Variants in RBFOX1 observed in about 807,000 individuals in gnomAD.
RBFOX1 encodes the protein RNA binding protein fox-1 homolog 1.
In RBFOX1, 8 loss-of-function variants were observed where a neutral mutation model predicts 57.7. The observed-to-expected ratio is 0.14, with a 90% confidence interval of 0.08 to 0.25. RBFOX1 has a LOEUF of 0.25. Among genes scored for constraint, RBFOX1 ranks in the 10% least tolerant of loss-of-function variants. The pLI, the probability that RBFOX1 is intolerant of heterozygous loss-of-function variation, is 1.00. For missense variants in RBFOX1, 611 were observed against 548.5 expected (o/e 1.11, Z -1.14); for synonymous variants, 326 against 222.4 (o/e 1.47, Z -4.15).
chr16:7,166,148 G>A (rs1010029000), intron 4 of RBFOX1, among the ~76,000 whole-genome samples: 3 of 151,980 alleles, frequency 2.0e-5, no homozygotes, highest in Admixed American at 2.0e-4. Context: ...CGAGTAGATG[G>A]GATTACAGGT....
chr16:5,644,515 A>G (rs1343188811), intron 3 of RBFOX1, among the ~76,000 whole-genome samples: 1 of 152,212 alleles, frequency 6.6e-6, no homozygotes, highest in Non-Finnish European at 1.5e-5. Flanking sequence ...AGAACCACCC[A>G]TGTGGCTCCC....
chr16:6,095,906 C>A (rs1597262509), intron 1 of RBFOX1, among the ~76,000 whole-genome samples: 1 of 152,188 alleles, frequency 6.6e-6, no homozygotes, highest in Non-Finnish European at 1.5e-5. Flanking sequence ...TTCCCACAGG[C>A]TCCCAGTGGA....
Position 6,981,599 on chromosome 16 carries a change from G to A in RBFOX1, c.-15-70458G>A, listed in dbSNP as rs535818710. Among the ~76,000 whole-genome samples, 8 of 152,314 alleles carry A rather than the reference G, an allele frequency of 5.3e-5. No individual in the cohort carries two copies. The South Asian group carries it at 1.7e-3, about 32-fold the overall frequency. ...TCCACGTGGCTGGGGAGGCCTCACAGTCATGATGGGAGGCAAAGGAGGAGA... is the reference window on the plus strand; with the variant it reads ...TCCACGTGGCTGGGGAGGCCTCACAATCATGATGGGAGGCAAAGGAGGAGA... On this transcript the variant is annotated intron_variant, in intron 3 of 15. Transcript: ENST00000550418.
intron 2 of RBFOX1, among the ~76,000 whole-genome samples, chr16:6,479,595 A>G (rs1319685903): frequency 6.6e-6 from 1 of 152,050 alleles, no homozygotes; most frequent in Non-Finnish European, 1.5e-5. Context: ...CTCAAAAAAG[A>G]AAAAGAAAAG....
chr16:7,249,764 A>C (rs1249046219), intron 4 of RBFOX1, among the ~76,000 whole-genome samples: 1 of 152,166 alleles, frequency 6.6e-6, no homozygotes, highest in Admixed American at 6.5e-5. Flanking sequence ...ACCGACAGTG[A>C]TGAGCAACAT....
intron 4 of RBFOX1, among the ~76,000 whole-genome samples, chr16:5,912,425 G>C (rs2152212163): frequency 6.6e-6 from 1 of 152,276 alleles, no homozygotes; most frequent in South Asian, 2.1e-4. Context: ...TCTACCCTGA[G>C]AACAGTGTGG....
Position 7,256,930 on chromosome 16 carries a change from A to G in RBFOX1, c.27+204832A>G, listed in dbSNP as rs772256141. 2.6e-5 allele frequency among the ~76,000 whole-genome samples: 4 copies of G among 152,082 alleles called. No individual in the cohort carries two copies. In the South Asian group the frequency reaches 8.3e-4, roughly 32 times the overall value. ...TACCCAAGTCTCTCTCCCTGACCAC[A>G]TGGGAAACAGCCTTTCTGTTTCTCC... On this transcript the variant is annotated intron_variant, in intron 4 of 15. Transcript: ENST00000550418.
chr16:6,552,759 T>A (rs2097016133), intron 2 of RBFOX1, among the ~76,000 whole-genome samples: 1 of 151,930 alleles, frequency 6.6e-6, no homozygotes. Context: ...ATATAGAAAA[T>A]GTACACACAT....
At chr16:6,163,767 T>A (rs2096896152) in intron 1 of RBFOX1, among the ~76,000 whole-genome samples, 1 of 152,232 alleles carries the variant, frequency 6.6e-6, no homozygotes, top group Non-Finnish European at 1.5e-5. Context: ...AAATCTTCAG[T>A]ATTTATAAGG....
At chr16:5,747,558 G>C (rs990527560) in intron 3 of RBFOX1, among the ~76,000 whole-genome samples, 1 of 152,056 alleles carries the variant, frequency 6.6e-6, no homozygotes, top group Non-Finnish European at 1.5e-5. Flanking sequence ...CAATTTGAGA[G>C]CCTGTGATTC....
At chr16:5,490,503 G>A (rs2042791605) in intron 2 of RBFOX1, among the ~76,000 whole-genome samples, 1 of 152,216 alleles carries the variant, frequency 6.6e-6, no homozygotes, top group African/African-American at 2.4e-5. Context: ...GCTATCCGGA[G>A]CCCTTTCAGG....
At chr16:7,183,176 C>G (rs908302775) in intron 4 of RBFOX1, among the ~76,000 whole-genome samples, 2 of 152,132 alleles carry the variant, frequency 1.3e-5, no homozygotes, top group Non-Finnish European at 2.9e-5. Flanking sequence ...TGGGTTGAGT[C>G]AGATAGAACA....
chr16:5,855,715 G>A (rs2057007629), intron 3 of RBFOX1, among the ~76,000 whole-genome samples: 1 of 151,984 alleles, frequency 6.6e-6, no homozygotes, highest in African/African-American at 2.4e-5. Context: ...GGGGATTTTT[G>A]TAGCTCTTTA....
intron 4 of RBFOX1, among the ~76,000 whole-genome samples, chr16:7,072,017 A>T (rs982801127): frequency 6.6e-6 from 1 of 152,144 alleles, no homozygotes; most frequent in Non-Finnish European, 1.5e-5. Context: ...TCGCAAACCT[A>T]CTCGAAGTCA....
At chr16:6,843,787 T>C (rs754335852) in intron 3 of RBFOX1, among the ~76,000 whole-genome samples, 2 of 152,178 alleles carry the variant, frequency 1.3e-5, no homozygotes, top group African/African-American at 2.4e-5. Context: ...CACTATTCTG[T>C]TCCATGCCAA....
chr16:7,083,135 T>A (rs1253799737), intron 4 of RBFOX1, among the ~76,000 whole-genome samples: 3 of 152,148 alleles, frequency 2.0e-5, no homozygotes, highest in African/African-American at 7.2e-5. Context: ...ATCAATTTGG[T>A]TATGAGCAGA....
chr16:7,118,161 G>A (rs1474012117), intron 4 of RBFOX1, among the ~76,000 whole-genome samples: 1 of 152,072 alleles, frequency 6.6e-6, no homozygotes, highest in Admixed American at 6.6e-5. Flanking sequence ...GCATACTGTT[G>A]CATACTGTTT....
intron 3 of RBFOX1, among the ~76,000 whole-genome samples, chr16:6,958,503 C>A (rs888774972): frequency 6.6e-6 from 1 of 152,118 alleles, no homozygotes; most frequent in Non-Finnish European, 1.5e-5. Context: ...ATACAATGGT[C>A]TGTTGACTTA....
chr16:6,322,200 G>T (rs1389573567), intron 2 of RBFOX1, among the ~76,000 whole-genome samples: 1 of 152,116 alleles, frequency 6.6e-6, no homozygotes, highest in Non-Finnish European at 1.5e-5. Flanking sequence ...TTCTTTCTAG[G>T]TAGTCTTCAT....
Sources: allele counts gnomAD v4.1 joint callset (sites outside exome capture counted in the v4.1 genomes callset), GRCh38; gene constraint gnomAD v4.1.1; transcripts MANE v1.5; gene names NCBI Gene and HGNC (gene_info 2026-07-23, HGNC 2026-07-21).